NEBL: variants seen among roughly 807,000 people sequenced by gnomAD.
NEBL encodes nebulette, also known as LIM and SH3 protein 2.
In NEBL, 122 loss-of-function variants were observed where a neutral mutation model predicts 140.2. The observed-to-expected ratio is 0.87, with a 90% CI of 0.75 to 1.01. NEBL has a LOEUF of 1.01. Among genes scored for constraint, NEBL ranks in the 50% least tolerant of loss-of-function variants. The pLI is 0.00. For synonymous variants in NEBL, 436 were observed against 398.9 expected, an observed-to-expected ratio of 1.09 and a Z score of -1.11; for missense variants, 1,365 against 1,231.3, an observed-to-expected ratio of 1.11 and a Z score of -1.62.
rs892404332 is a variant in NEBL at position 21,283,159 on chromosome 10, C to T, written n.182+9671G>A. ...TCAAAAAAAAAAAAAAAAAAAATTG[C>T]GGTAAAGAAGCCAGCTAAAACCCAC... On this transcript the variant is annotated intron_variant and non_coding_transcript_variant, in intron 1 of 8. Transcript: ENST00000675702. Among the ~76,000 whole-genome samples the T allele has an allele frequency of 1.3e-3, 197 of 148,428 alleles. 1 individual carries two copies. The highest frequency in any genetic ancestry group is 4.6e-3 in the African/African-American group (185 of 40,590).
intron 4 of NEBL, among the ~76,000 whole-genome samples, chr10:20,941,668 T>A (rs886420208): frequency 6.6e-6 from 1 of 151,652 alleles, no homozygotes; most frequent in Non-Finnish European, 1.5e-5. Context: ...ATGACATGAT[T>A]GTATATCTAG....
chr10:21,095,412 G>A (rs900450245), intron 2 of NEBL, among the ~76,000 whole-genome samples: 2 of 152,172 alleles, frequency 1.3e-5, no homozygotes, highest in African/African-American at 2.4e-5. Context: ...GATTCCCTTC[G>A]ATGTAGAATT....
In NEBL at chr10:20,785,626, T is replaced by C; in HGVS notation, c.*121A>G. 8.5e-7 allele frequency: 1 copy of C among 1,175,774 alleles called. No homozygotes were observed. The highest frequency in any genetic ancestry group is 2.6e-5 in the East Asian group (1 of 39,124). The allele number at this position is 1,175,774 out of a possible 1,614,324, so 72.8% of individuals were successfully genotyped here. On this transcript the variant is annotated 3_prime_UTR_variant, in exon 28 of 28. Transcript: ENST00000377122. ...TTCCTGGTACCTGTGTGTCTAATTG[T>C]CAAAGGAAGGATACATCATTGTAAA...
chr10:21,147,912 A>C (rs1238902495), intron 2 of NEBL, among the ~76,000 whole-genome samples: 8 of 152,234 alleles, frequency 5.3e-5, no homozygotes, highest in Non-Finnish European at 8.8e-5. Flanking sequence ...TATCAATCAC[A>C]GATATTTATC....
chr10:21,173,682 C>T lies in NEBL; in HGVS notation c.69+83G>A, dbSNP rs572974536. 1,956 of 1,603,242 alleles carry T rather than the reference C, an allele frequency of 1.2e-3. 2 individuals are homozygous for T. The highest frequency in any genetic ancestry group is 1.4e-3 in the Non-Finnish European group (1,629 of 1,177,810). ...CACGCACCGACCCACTCATTGCTTTCCATCCCAGGTGCCAAAACTTCTCGA... is the reference window on the plus strand; with the variant it reads ...CACGCACCGACCCACTCATTGCTTTTCATCCCAGGTGCCAAAACTTCTCGA... On this transcript the variant is annotated intron_variant, in intron 1 of 6. Coordinates refer to the NEBL transcript ENST00000417816. The surrounding 1 kb of genome is among the most constrained non-coding windows in gnomAD (Gnocchi z 5.7).
intron 4 of NEBL, among the ~76,000 whole-genome samples, chr10:20,958,747 A>G (rs1835921307): frequency 1.3e-5 from 2 of 152,220 alleles, no homozygotes; most frequent in African/African-American, 2.4e-5. Flanking sequence ...AGTGGGTAAC[A>G]TAGCAGAAGA....
chr10:21,207,490 G>T (rs1841846118), intron 3 of NEBL, among the ~76,000 whole-genome samples: 1 of 152,070 alleles, frequency 6.6e-6, no homozygotes, highest in Non-Finnish European at 1.5e-5. Flanking sequence ...ACAAAACCCA[G>T]ATTTGGTTTT....
intron 3 of NEBL, among the ~76,000 whole-genome samples, chr10:21,009,336 C>T (rs1298962960): frequency 6.6e-6 from 1 of 152,126 alleles, no homozygotes; most frequent in African/African-American, 2.4e-5. Flanking sequence ...AACTCAGTAG[C>T]TAAAGATGCT....
chr10:21,101,708 C>T lies in NEBL; in HGVS notation c.164+70675G>A, dbSNP rs534663495. Among the ~76,000 whole-genome samples the T allele has an allele frequency of 2.6e-5, 4 of 152,286 alleles. No homozygotes were observed. The East Asian group carries it at 7.7e-4, about 29-fold the overall frequency. ...TACCCCCACAATTTATGTTCCACTT[C>T]AGAAGCTCTTCCAGACCCAAGGAGT... is the stretch of plus-strand genomic sequence containing the variant. On this transcript the variant is annotated intron_variant, in intron 2 of 6. Coordinates refer to the NEBL transcript ENST00000417816.
chr10:21,172,792 G>A (rs1484194994), intron 1 of NEBL, among the ~76,000 whole-genome samples: 2 of 152,132 alleles, frequency 1.3e-5, no homozygotes, highest in East Asian at 3.9e-4. Context: ...ATGAAGAAAC[G>A]GGGCCCAGAG....
chr10:20,958,671 C>T (rs1230656943), intron 4 of NEBL, among the ~76,000 whole-genome samples: 1 of 152,126 alleles, frequency 6.6e-6, no homozygotes, highest in Admixed American at 6.6e-5. Context: ...AGTTCTTTTT[C>T]TTCCCAGCCA....
At chr10:21,078,086 G>A (rs1480114651) in intron 2 of NEBL, among the ~76,000 whole-genome samples, 3 of 152,160 alleles carry the variant, frequency 2.0e-5, no homozygotes, top group Non-Finnish European at 4.4e-5. Flanking sequence ...GAGGAGATTG[G>A]AAGATGGAAA....
At chr10:20,834,779 C>G (rs926791064) in intron 14 of NEBL, among the ~76,000 whole-genome samples, 26 of 152,152 alleles carry the variant, frequency 1.7e-4, no homozygotes, top group African/African-American at 6.3e-4. Flanking sequence ...TCCAGTGATC[C>G]TTTTATATTC....
chr10:21,047,461 A>G (rs1217829161), intron 2 of NEBL, among the ~76,000 whole-genome samples: 1 of 152,208 alleles, frequency 6.6e-6, no homozygotes, highest in African/African-American at 2.4e-5. Context: ...TATTAATAAT[A>G]CAACTCACAT....
intron 23 of NEBL, 95 bp from the exon 24 acceptor site, chr10:20,813,035 G>A (rs543544396): frequency 9.2e-5 from 93 of 1,014,930 alleles, no homozygotes; most frequent in African/African-American, 9.0e-4. Context: ...CACTGGCTGC[G>A]TGCAGATTGT....
At chr10:21,288,852 A>T (rs1380871163) in intron 1 of NEBL, among the ~76,000 whole-genome samples, 4 of 98,012 alleles carry the variant, frequency 4.1e-5, no homozygotes, top group East Asian at 2.8e-4. Flanking sequence ...ATATATATAA[A>T]AATTTTTTTT....
chr10:21,221,557 T>C (rs1302614709), intron 3 of NEBL, among the ~76,000 whole-genome samples: 1 of 151,928 alleles, frequency 6.6e-6, no homozygotes, highest in Non-Finnish European at 1.5e-5. Context: ...CAGGCTGGAG[T>C]GCACTGGCCC....
chr10:21,104,872 C>G (rs1281745608), intron 2 of NEBL, among the ~76,000 whole-genome samples: 1 of 152,144 alleles, frequency 6.6e-6, no homozygotes, highest in African/African-American at 2.4e-5. Context: ...TTTGTAGATG[C>G]CCGATATCAG....
At chr10:21,229,998 A>G (rs911641219) in intron 3 of NEBL, among the ~76,000 whole-genome samples, 1 of 152,338 alleles carries the variant, frequency 6.6e-6, no homozygotes, top group East Asian at 1.9e-4. Context: ...TATTTTTCAA[A>G]ATGAATCAAC....
Sources: gnomAD v4.1 joint callset for allele counts (sites outside exome capture counted in the v4.1 genomes callset) on GRCh38, gnomAD v4.1.1 for gene constraint, Gnocchi (gnomAD v3.1) non-coding constraint, MANE v1.5 for transcripts, NCBI Gene and HGNC (gene_info 2026-07-23, HGNC 2026-07-21) for gene names.